Variants in RIMBP2 observed in about 807,000 individuals in gnomAD.
The protein encoded by RIMBP2 is RIMS binding protein 2.
Under a neutral mutation model 118.6 loss-of-function variants are expected in RIMBP2, and 48 were observed. The ratio of observed to expected loss-of-function variants is 0.40; its 90% CI spans 0.32 to 0.51. The LOEUF (loss-of-function observed/expected upper bound fraction) is 0.51, where lower values mean the gene tolerates loss of function less well. RIMBP2 is among the 20% of genes least tolerant of loss of function. The pLI is 0.41. For synonymous variants in RIMBP2, 762 were observed against 742.9 expected (o/e 1.03, Z -0.42); for missense variants, 1,551 against 1,768.3 (o/e 0.88, Z 2.20).
intron 2 of RIMBP2, among the ~76,000 whole-genome samples, chr12:130,592,159 G>A (rs2059310868): frequency 6.6e-6 from 1 of 152,178 alleles, no homozygotes; most frequent in Non-Finnish European, 1.5e-5. Context: ...GCCATATGCT[G>A]GTTATGCTGG....
At position 130,434,168 on chromosome 12, in the gene RIMBP2, C is replaced by T. The variant is rs769726995; in HGVS notation, c.2253+566G>A. Among the ~76,000 whole-genome samples, 17 of 152,208 alleles carry T rather than the reference C, an allele frequency of 1.1e-4. No homozygotes were observed. The highest frequency in any genetic ancestry group is 1.2e-4 in the Non-Finnish European group (8 of 68,040). On this transcript the variant is annotated intron_variant, in intron 14 of 22. Coordinates refer to ENST00000690449, the MANE Select transcript of RIMBP2 (RefSeq NM_001393629.1). The surrounding 1 kb of genome is among the most constrained non-coding windows in gnomAD (Gnocchi z 5.7). ...CATTCCCCAGGCCCTCGGTTATTTC[C>T]AGTCCCTCCTGTTGTCCAAGTTTTG...
chr12:130,701,211 GC>G (rs1261172318), intron 1 of RIMBP2, among the ~76,000 whole-genome samples: 1 of 152,176 alleles, frequency 6.6e-6, no homozygotes, highest in East Asian at 1.9e-4. Context: ...AAGCAGCAGA[GC>G]CCCCCAGCAG....
intron 1 of RIMBP2, among the ~76,000 whole-genome samples, chr12:130,676,931 T>C (rs2064519392): frequency 2.0e-5 from 3 of 152,132 alleles, no homozygotes; most frequent in African/African-American, 7.2e-5. Context: ...GCCTGTGGCT[T>C]AGTCATGTGG....
At chr12:130,650,235 C>G (rs758691245) in intron 1 of RIMBP2, among the ~76,000 whole-genome samples, 7 of 152,206 alleles carry the variant, frequency 4.6e-5, no homozygotes, top group Non-Finnish European at 8.8e-5. Flanking sequence ...AGCGTGGTCC[C>G]TGGGTGCTGA....
At chr12:130,530,862 A>G (rs1036046521) in intron 2 of RIMBP2, among the ~76,000 whole-genome samples, 8 of 152,348 alleles carry the variant, frequency 5.3e-5, no homozygotes, top group African/African-American at 7.2e-5. Context: ...ACATTCAGTT[A>G]TATGAGCAAC....
In RIMBP2 at chr12:130,434,196, C is replaced by T. The variant is rs779905572; in HGVS notation, c.2253+538G>A. Reference sequence around the variant, plus strand: ...TCCCTCCTGTTGTCCAAGTTTTGTTCTTTACAGCATCTGAGGGCATTTCCA... The same window carrying T: ...TCCCTCCTGTTGTCCAAGTTTTGTTTTTTACAGCATCTGAGGGCATTTCCA... On this transcript the variant is annotated intron_variant, in intron 14 of 22. Coordinates refer to ENST00000690449, the MANE Select transcript of RIMBP2 (RefSeq NM_001393629.1). The surrounding 1 kb of genome is among the most constrained non-coding windows in gnomAD (Gnocchi z 5.7). Among the ~76,000 whole-genome samples the T allele has an allele frequency of 1.2e-3, 178 of 152,324 alleles. 1 individual carries two copies. In the Middle Eastern group the frequency reaches 0.017, roughly 15 times the overall value.
In RIMBP2 at chr12:130,447,610, G is replaced by T. The variant is rs1234414681; in HGVS notation, c.582-2341C>A. 6.6e-6 allele frequency among the ~76,000 whole-genome samples: 1 copy of T among 152,290 alleles called. No individual in the cohort carries two copies. Among genetic ancestry groups the T allele is most frequent in the East Asian group, 1.9e-4 (1 of 5,158 alleles). On this transcript the variant is annotated intron_variant, in intron 9 of 22. Coordinates refer to ENST00000690449, the MANE Select transcript of RIMBP2 (RefSeq NM_001393629.1). The surrounding 1 kb of genome is among the most constrained non-coding windows in gnomAD (Gnocchi z 4.4). Reference sequence around the variant, plus strand: ...ATGGGAGACCCCCACATGTGGCCGTGGCATCTGTGAGCACAGCAGTGGCCC... The same window carrying T: ...ATGGGAGACCCCCACATGTGGCCGTTGCATCTGTGAGCACAGCAGTGGCCC...
At chr12:130,415,432 C>A (rs2076041875) in intron 17 of RIMBP2, among the ~76,000 whole-genome samples, 1 of 152,110 alleles carries the variant, frequency 6.6e-6, no homozygotes, top group Non-Finnish European at 1.5e-5. Context: ...TGTGACAAAC[C>A]CACAGCCAAT....
chr12:130,622,975 T>C lies in RIMBP2; in HGVS notation c.-217+5347A>G, dbSNP rs908460938. The stretch of plus-strand genomic sequence containing the variant: ...AGAGAAAATGAAAGAACAGATGGCG[T>C]GGACTGAGGTCTGGGGATACTGTTG... On this transcript the variant is annotated intron_variant, in intron 2 of 22. Coordinates refer to ENST00000690449, the MANE Select transcript of RIMBP2 (RefSeq NM_001393629.1). The surrounding 1 kb of genome is among the most constrained non-coding windows in gnomAD (Gnocchi z 8.5). 6.6e-6 allele frequency among the ~76,000 whole-genome samples: 1 copy of C among 152,234 alleles called. No individual in the cohort carries two copies. Among genetic ancestry groups the C allele is most frequent in the African/African-American group, 2.4e-5 (1 of 41,456 alleles).
At position 130,475,627 on chromosome 12, in the gene RIMBP2, G is replaced by A. The variant is rs528367530; in HGVS notation, c.102+3285C>T. Among the ~76,000 whole-genome samples, 23 of 152,226 alleles carry A rather than the reference G, an allele frequency of 1.5e-4. No homozygotes were observed. Among genetic ancestry groups the A allele is most frequent in the African/African-American group, 4.8e-4 (20 of 41,540 alleles). On this transcript the variant is annotated intron_variant, in intron 5 of 22. Transcript: ENST00000690449. The surrounding 1 kb of genome is among the most constrained non-coding windows in gnomAD (Gnocchi z 4.1). ...AGGGGCTCCAGGCGGGCGTCTCCAA[G>A]GGGAAAATGGAATCAGAAGCCCCCC...
At chr12:130,530,157 C>T (rs1171060523) in intron 2 of RIMBP2, among the ~76,000 whole-genome samples, 3 of 152,146 alleles carry the variant, frequency 2.0e-5, no homozygotes, top group Admixed American at 6.6e-5. Context: ...CACAACCAGC[C>T]ACTGCATTTG....
intron 2 of RIMBP2, among the ~76,000 whole-genome samples, chr12:130,627,178 A>G (rs984971786): frequency 6.6e-6 from 1 of 152,122 alleles, no homozygotes; most frequent in Non-Finnish European, 1.5e-5. Context: ...CTCCTCCACC[A>G]CCACCACGCT....
rs1441152649 is a variant in RIMBP2, at chr12:130,587,212, C to G, written c.-217+41110G>C. 5.1e-4 allele frequency among the ~76,000 whole-genome samples: 76 copies of G among 147,576 alleles called. 1 individual carries two copies. Among genetic ancestry groups the G allele is most frequent in the Non-Finnish European group, 9.0e-5 (6 of 66,758 alleles). On this transcript the variant is annotated intron_variant, in intron 2 of 22. Transcript: ENST00000690449. ...TGGAGAGGATGTGGAGAAATAGGAA[C>G]ACTTTTACACTGTTGGTGGGACTGT...
At chr12:130,513,482 A>AC (rs2051128537) in intron 3 of RIMBP2, among the ~76,000 whole-genome samples, 1 of 151,562 alleles carries the variant, frequency 6.6e-6, no homozygotes, top group Non-Finnish European at 1.5e-5. Flanking sequence ...TGAACCTCAG[A>AC]CCTGCTACAG....
At chr12:130,408,254 TG>T (rs2075366337) in intron 19 of RIMBP2, among the ~76,000 whole-genome samples, 1 of 152,188 alleles carries the variant, frequency 6.6e-6, no homozygotes, top group Non-Finnish European at 1.5e-5. Flanking sequence ...TGCCTGTTTG[TG>T]TAACTATGGT....
intron 1 of RIMBP2, among the ~76,000 whole-genome samples, chr12:130,652,250 T>C (rs1308063487): frequency 6.6e-6 from 1 of 152,242 alleles, no homozygotes; most frequent in Non-Finnish European, 1.5e-5. Context: ...AAATGAAGTT[T>C]TGTTGGAACA....
intron 2 of RIMBP2, among the ~76,000 whole-genome samples, chr12:130,560,425 C>T (rs2056727053): frequency 6.6e-6 from 1 of 152,106 alleles, no homozygotes; most frequent in Non-Finnish European, 1.5e-5. Flanking sequence ...CGTTTAGCCA[C>T]ACCCCTGGCC....
At chr12:130,671,401 C>T (rs1365083927) in intron 1 of RIMBP2, among the ~76,000 whole-genome samples, 1 of 152,210 alleles carries the variant, frequency 6.6e-6, no homozygotes, top group Non-Finnish European at 1.5e-5. Context: ...TTTCTCTGAT[C>T]GATTTCCCTT....
chr12:130,615,025 T>TGCAGA (rs2060812805), intron 2 of RIMBP2, among the ~76,000 whole-genome samples: 1 of 148,978 alleles, frequency 6.7e-6, no homozygotes, highest in East Asian at 2.0e-4. Flanking sequence ...GCAGGAAACG[T>TGCAGA]GCAGATACTG....
Sources: allele counts gnomAD v4.1 joint callset (sites outside exome capture counted in the v4.1 genomes callset), GRCh38; gene constraint gnomAD v4.1.1; non-coding constraint Gnocchi (gnomAD v3.1); transcripts MANE v1.5; gene names NCBI Gene and HGNC (gene_info 2026-07-23, HGNC 2026-07-21).